RSPH14: variants seen among roughly 807,000 people sequenced by gnomAD.
RSPH14 encodes the protein rhabdoid tumor deletion region gene 1.
A neutral mutation model predicts 26.7 loss-of-function variants in RSPH14; 20 were observed. The observed-to-expected ratio is 0.75, with a 90% CI of 0.53 to 1.09. The LOEUF (loss-of-function observed/expected upper bound fraction) is 1.09. Ranked by LOEUF, RSPH14 falls within the 50% of genes least tolerant of loss-of-function variation. The pLI is 0.00. For missense variants in RSPH14, 449 were observed against 457.2 expected (o/e 0.98, Z 0.16); for synonymous variants, 177 against 189.3 (o/e 0.93, Z 0.53).
intron 4 of RSPH14, among the ~76,000 whole-genome samples, chr22:23,066,963 G>A (rs2068226322): frequency 6.6e-6 from 1 of 152,162 alleles, no homozygotes; most frequent in African/African-American, 2.4e-5. Flanking sequence ...GTGTAGACCA[G>A]GAATTCCAGG....
chr22:23,082,675 G>A (rs1025585880), intron 4 of RSPH14, among the ~76,000 whole-genome samples: 18 of 152,086 alleles, frequency 1.2e-4, no homozygotes, highest in African/African-American at 4.3e-4. Context: ...TCCCACGGCA[G>A]GCCAGCCTGG....
chr22:23,087,358 C>T lies in RSPH14; in HGVS notation c.422-23225G>A, dbSNP rs117265010. ...GCGCGTGCCTGCAGTCCCAGCTACT[C>T]GAGGCTCAGGTGGGAGGATCGCTTG... On this transcript the variant is annotated intron_variant, in intron 4 of 6. Coordinates refer to ENST00000216036, the MANE Select transcript of RSPH14 (RefSeq NM_014433.3). Among the ~76,000 whole-genome samples, 1,126 of 152,168 alleles carry T rather than the reference C, an allele frequency of 7.4e-3. 7 individuals carry two copies. Among genetic ancestry groups the T allele is most frequent in the Non-Finnish European group, 0.011 (737 of 68,018 alleles).
chr22:23,096,683 A>C (rs1206313451), intron 4 of RSPH14, among the ~76,000 whole-genome samples: 2 of 152,202 alleles, frequency 1.3e-5, no homozygotes, highest in East Asian at 3.8e-4. Context: ...CCGGGCATCC[A>C]TGATCAATCC....
intron 4 of RSPH14, among the ~76,000 whole-genome samples, chr22:23,100,432 A>G (rs552315645): frequency 6.6e-6 from 1 of 152,180 alleles, no homozygotes; most frequent in Non-Finnish European, 1.5e-5. Context: ...GCTGGTCAAC[A>G]TGTTATCAGT....
intron 4 of RSPH14, among the ~76,000 whole-genome samples, chr22:23,111,747 C>G (rs759593496): frequency 4.6e-5 from 7 of 152,208 alleles, no homozygotes; most frequent in Non-Finnish European, 1.0e-4. Context: ...CCTCAGGGAG[C>G]CAGCAGGGTC....
intron 4 of RSPH14, among the ~76,000 whole-genome samples, chr22:23,126,206 C>T (rs1013281235): frequency 1.3e-5 from 2 of 152,214 alleles, no homozygotes; most frequent in African/African-American, 2.4e-5. Flanking sequence ...GGGATTGAGC[C>T]TCCCTTCCTA....
At position 23,134,045 on chromosome 22, in the gene RSPH14, C is replaced by A. The variant is rs1029262921; in HGVS notation, c.402G>T (p.Gln134His). 5.0e-6 allele frequency: 8 copies of A among 1,613,538 alleles called. No individual in the cohort carries two copies. The highest frequency in any genetic ancestry group is 6.8e-6 in the Non-Finnish European group (8 of 1,179,532). ...CRGNLYKAYMQLVQVPRGAQE... is the reference protein window; with the variant it reads ...CRGNLYKAYMHLVQVPRGAQE... ...GCCTACCTCTAGGCACCTGGACCAG[C>A]TGCATGTATGCCTTGTACAGGTTCC... The change falls in exon 4 of 7, where the codon CAG (glutamine) becomes CAT (histidine). Residue 134 changes from glutamine (Q) to histidine (H), a missense_variant. Gln to His is a conservative substitution (Grantham distance 24). Transcript: ENST00000216036.
chr22:23,138,036 A>C (rs1333841691), intron 3 of RSPH14, among the ~76,000 whole-genome samples: 1 of 152,178 alleles, frequency 6.6e-6, no homozygotes, highest in Non-Finnish European at 1.5e-5. Context: ...TTACACAGGA[A>C]AAGGACACTT....
chr22:23,166,403 A>T, the RSPH14 span, among the ~76,000 whole-genome samples: 1 of 151,764 alleles, frequency 6.6e-6, no homozygotes, highest in Non-Finnish European at 1.5e-5. Context: ...AGAGAGTAAG[A>T]TGAAGGGCTG....
At chr22:23,083,648 C>T (rs927990798) in intron 4 of RSPH14, among the ~76,000 whole-genome samples, 5 of 151,940 alleles carry the variant, frequency 3.3e-5, no homozygotes, top group African/African-American at 7.3e-5. Flanking sequence ...CCATTGGAGG[C>T]GAAGGTGGGA....
chr22:23,141,441 CTGGGTGACCT>C (rs1317995138), intron 1 of RSPH14, among the ~76,000 whole-genome samples: 1 of 152,108 alleles, frequency 6.6e-6, no homozygotes, highest in African/African-American at 2.4e-5. Context: ...AGATTCAGGC[CTGGGTGACCT>C]TGGCAAGTTA....
chr22:23,155,901 G>A, the RSPH14 span: 4 of 1,449,106 alleles, frequency 2.8e-6, no homozygotes, highest in East Asian at 2.5e-5. Context: ...CCCGTAGCCT[G>A]TTGGCTCAAG....
rs551571476 is a variant in RSPH14 at position 23,118,733 on chromosome 22, G to C, written c.421+15293C>G. The stretch of plus-strand genomic sequence containing the variant: ...TGGAGGAAGTCACTGCAGGACAAGG[G>C]GGTGATGCACTACCATGGGGCAGGG... On this transcript the variant is annotated intron_variant, in intron 4 of 6. Coordinates refer to ENST00000216036, the MANE Select transcript of RSPH14 (RefSeq NM_014433.3). Among the ~76,000 whole-genome samples, 6 of 152,320 alleles carry C rather than the reference G, an allele frequency of 3.9e-5. No individual in the cohort carries two copies. In the South Asian group the frequency reaches 1.2e-3, roughly 32 times the overall value.
chr22:23,085,641 G>T (rs2068796792), intron 4 of RSPH14, among the ~76,000 whole-genome samples: 1 of 152,180 alleles, frequency 6.6e-6, no homozygotes, highest in Non-Finnish European at 1.5e-5. Context: ...TTATACCACA[G>T]CCCAACAGCC....
At chr22:23,167,427 T>G in the RSPH14 span, among the ~76,000 whole-genome samples, 2 of 152,120 alleles carry the variant, frequency 1.3e-5, no homozygotes, top group Non-Finnish European at 2.9e-5. Flanking sequence ...TCAGCATCTT[T>G]CAACCCTGTC....
chr22:23,098,268 C>T lies in RSPH14; in HGVS notation c.422-34135G>A, dbSNP rs542980252. ...GATCCTGATCCCTGCCTCTCGTACC[C>T]CTGCCCTTATCCTCCAGGTCTCATC... On this transcript the variant is annotated intron_variant, in intron 4 of 6. Coordinates refer to ENST00000216036, the MANE Select transcript of RSPH14 (RefSeq NM_014433.3). 3.9e-5 allele frequency among the ~76,000 whole-genome samples: 6 copies of T among 152,360 alleles called. No homozygotes were observed. The South Asian group carries it at 1.2e-3, about 32-fold the overall frequency.
chr22:23,164,708 GC>G, the RSPH14 span, among the ~76,000 whole-genome samples: 1 of 152,088 alleles, frequency 6.6e-6, no homozygotes, highest in Non-Finnish European at 1.5e-5. Flanking sequence ...CTGCCGAAAC[GC>G]CTTTTTCCTC....
At chr22:23,097,451 A>G (rs572228393) in intron 4 of RSPH14, among the ~76,000 whole-genome samples, 127 of 152,258 alleles carry the variant, frequency 8.3e-4, no homozygotes, top group African/African-American at 2.8e-3. Flanking sequence ...GAGAGAGAGG[A>G]TCTTTGGCTT....
rs546818335 is a variant in RSPH14 at position 23,100,185 on chromosome 22, G to A, written c.421+33841C>T. Among the ~76,000 whole-genome samples the A allele has an allele frequency of 2.0e-5, 3 of 152,344 alleles. No individual in the cohort carries two copies. The South Asian group carries it at 6.2e-4, about 32-fold the overall frequency. ...AACTCTCCCAGCAGCACAGGGAACTGGGGGACAAGGAGGAGGCAGTCACAC... is the reference window on the plus strand; with the variant it reads ...AACTCTCCCAGCAGCACAGGGAACTAGGGGACAAGGAGGAGGCAGTCACAC... On this transcript the variant is annotated intron_variant, in intron 4 of 6. Coordinates refer to ENST00000216036, the MANE Select transcript of RSPH14 (RefSeq NM_014433.3).
Sources: allele counts gnomAD v4.1 joint callset (sites outside exome capture counted in the v4.1 genomes callset), GRCh38; gene constraint gnomAD v4.1.1; transcripts MANE v1.5; gene names NCBI Gene and HGNC (gene_info 2026-07-23, HGNC 2026-07-21).